Variants in RYR2 observed in about 807,000 individuals in gnomAD.
RYR2 encodes cardiac muscle ryanodine receptor-calcium release channel.
RYR2 carries 227 observed loss-of-function variants against 601.1 expected under a neutral mutation model. The ratio of observed to expected loss-of-function variants is 0.38; its 90% CI spans 0.34 to 0.42. The LOEUF is 0.42. Ranked by LOEUF, RYR2 falls within the 10% of genes least tolerant of loss-of-function variation. RYR2 has a pLI of 1.00. For synonymous variants in RYR2, 2,223 were observed against 2,175.1 expected, an observed-to-expected ratio of 1.02 and a Z score of -0.61; for missense variants, 4,646 against 6,156.5, an observed-to-expected ratio of 0.75 and a Z score of 8.21.
chr1:237,402,803 TCA>T (rs1240982098), intron 10 of RYR2, among the ~76,000 whole-genome samples: 1 of 140,910 alleles, frequency 7.1e-6, no homozygotes, highest in Non-Finnish European at 1.6e-5. Flanking sequence ...TCCCTGAGAC[TCA>T]GAGTCTTACT....
At chr1:237,626,462 C>T (rs143188624) in intron 40 of RYR2, among the ~76,000 whole-genome samples, 6 of 151,770 alleles carry the variant, frequency 4.0e-5, no homozygotes, top group Admixed American at 3.9e-4. Flanking sequence ...AACAGAAAAC[C>T]TTTATTCATA....
chr1:237,387,945 A>G, intron 9 of RYR2, 142 bp from the exon 10 acceptor site: 1 of 651,438 alleles, frequency 1.5e-6, no homozygotes, highest in Non-Finnish European at 2.6e-6. Flanking sequence ...GGCACTGTCT[A>G]TCTCTGTGAC....
chr1:237,469,327 G>GGAGGCTGAGGTAGGAGGATCACTT (rs1219905438), intron 17 of RYR2, 140 bp downstream of exon 17: 9 of 541,438 alleles, frequency 1.7e-5, no homozygotes, highest in Non-Finnish European at 2.2e-5. Context: ...CAGATACTCA[G>GGAGGCTGAGGTAGGAGGATCACTT]GAGGCTGAGG....
chr1:237,614,795 C>T lies in RYR2; in HGVS notation c.5667C>T (p.Pro1889=). 1 of 1,604,114 alleles carries T rather than the reference C, an allele frequency of 6.2e-7. No individual in the cohort carries two copies. The highest frequency in any genetic ancestry group is 8.5e-7 in the Non-Finnish European group (1 of 1,174,152). The part of the protein sequence containing the change: ...GEEEAKGGKR[P]KEGLLQMKLP... ...AAGAAGCCAAGGGGGGCAAGCGGCC[C>T]AAGGAAGGCCTGCTCCAAATGAAAC... Residue 1889 remains proline, a synonymous_variant, in exon 37 of 105, where the codon CCC becomes CCT. Transcript: ENST00000366574. The surrounding 1 kb of genome is among the most constrained non-coding windows in gnomAD (Gnocchi z 4.3).
intron 74 of RYR2, among the ~76,000 whole-genome samples, chr1:237,724,465 C>G (rs1312820848): frequency 6.6e-6 from 1 of 151,608 alleles, no homozygotes; most frequent in Non-Finnish European, 1.5e-5. Flanking sequence ...TTAATAATTT[C>G]TCTATTGTCA....
intron 25 of RYR2, among the ~76,000 whole-genome samples, chr1:237,542,027 A>G (rs1222959110): frequency 6.6e-6 from 1 of 151,994 alleles, no homozygotes; most frequent in East Asian, 1.9e-4. Context: ...GGCCTCACAA[A>G]CATAATTTCT....
At chr1:237,476,771 G>A (rs531304699) in intron 17 of RYR2, among the ~76,000 whole-genome samples, 1 of 152,172 alleles carries the variant, frequency 6.6e-6, no homozygotes, top group South Asian at 2.1e-4. Context: ...ACTTAAGTGT[G>A]GGCAATTGAA....
intron 88 of RYR2, 39 bp downstream of exon 88, chr1:237,778,809 A>T: frequency 1.0e-6 from 1 of 973,834 alleles, no homozygotes; most frequent in Non-Finnish European, 1.7e-6. Context: ...TTAAATGACA[A>T]ACTGGAGACT....
At chr1:237,301,919 C>T (rs771050638) in intron 2 of RYR2, among the ~76,000 whole-genome samples, 46 of 152,130 alleles carry the variant, frequency 3.0e-4, no homozygotes, top group Non-Finnish European at 1.3e-4. Flanking sequence ...AAACCAGTAG[C>T]CTCACCTGTT....
chr1:237,316,089 C>T (rs996262990), intron 2 of RYR2, among the ~76,000 whole-genome samples: 3 of 151,672 alleles, frequency 2.0e-5, no homozygotes, highest in Admixed American at 6.6e-5. Context: ...TCAGGTGTGA[C>T]GATTAGGAAC....
At chr1:237,660,622 A>G (rs1402336036) in intron 55 of RYR2, among the ~76,000 whole-genome samples, 188 bp from the exon 56 acceptor site, 1 of 152,196 alleles carries the variant, frequency 6.6e-6, no homozygotes, top group Non-Finnish European at 1.5e-5. Flanking sequence ...TCTTACTAAC[A>G]TTAGTAAAAC....
At chr1:237,115,710 G>A (rs775632785) in intron 1 of RYR2, among the ~76,000 whole-genome samples, 1 of 152,200 alleles carries the variant, frequency 6.6e-6, no homozygotes, top group Non-Finnish European at 1.5e-5. Flanking sequence ...GTGCCTCTGG[G>A]TGAGAACAAA....
At chr1:237,350,223 G>T (rs958403118) in intron 3 of RYR2, among the ~76,000 whole-genome samples, 2 of 151,928 alleles carry the variant, frequency 1.3e-5, no homozygotes, top group South Asian at 4.1e-4. Context: ...GCTATAGGAT[G>T]GTAAAGTTGT....
chr1:237,308,880 T>C (rs1694210658), intron 2 of RYR2, among the ~76,000 whole-genome samples: 1 of 152,348 alleles, frequency 6.6e-6, no homozygotes, highest in Non-Finnish European at 1.5e-5. Flanking sequence ...TACAGAGAGC[T>C]GATTGGTCTG....
At chr1:237,771,496 C>T (rs1001262249) in intron 85 of RYR2, among the ~76,000 whole-genome samples, 1 of 151,990 alleles carries the variant, frequency 6.6e-6, no homozygotes, top group African/African-American at 2.4e-5. Context: ...TTTTGCACCA[C>T]TTCTCTTTAC....
At chr1:237,722,680 A>G (rs1033921181) in intron 73 of RYR2, among the ~76,000 whole-genome samples, 44 of 152,076 alleles carry the variant, frequency 2.9e-4, no homozygotes, top group Admixed American at 5.2e-4. Context: ...TGATCCGCCC[A>G]CCTCGGCCTC....
intron 58 of RYR2, among the ~76,000 whole-genome samples, chr1:237,669,353 G>T (rs1026996349): frequency 4.0e-5 from 6 of 151,860 alleles, no homozygotes; most frequent in African/African-American, 9.7e-5. Context: ...CCACAAAACC[G>T]CCATTGTCAT....
intron 1 of RYR2, among the ~76,000 whole-genome samples, chr1:237,148,535 T>A (rs867375279): frequency 0.013 from 1,611 of 125,098 alleles, 41 homozygotes; most frequent in African/African-American, 0.036. Flanking sequence ...AAAATATATA[T>A]ATATATATAT....
At chr1:237,752,004 T>C (rs1692573058) in intron 80 of RYR2, among the ~76,000 whole-genome samples, 1 of 152,208 alleles carries the variant, frequency 6.6e-6, no homozygotes, top group South Asian at 2.1e-4. Context: ...ACATTTGTAA[T>C]ATTTTAGATT....
Sources: allele counts gnomAD v4.1 joint callset (sites outside exome capture counted in the v4.1 genomes callset), GRCh38; gene constraint gnomAD v4.1.1; non-coding constraint Gnocchi (gnomAD v3.1); transcripts MANE v1.5; gene names NCBI Gene and HGNC (gene_info 2026-07-23, HGNC 2026-07-21).